Variants in DOCK10 observed in about 807,000 individuals in gnomAD.
DOCK10 encodes dedicator of cytokinesis 10, also known as dedicator of cytokinesis protein 10.
Under a neutral mutation model 280.1 loss-of-function variants are expected in DOCK10, and 145 were observed. The observed-to-expected ratio is 0.52, with a 90% CI of 0.45 to 0.59. The LOEUF (loss-of-function observed/expected upper bound fraction) is 0.59. DOCK10 is among the 20% of genes least tolerant of loss of function. The pLI is 0.00. For missense variants in DOCK10, 2,368 were observed against 2,651.7 expected (o/e 0.89, Z 2.35); for synonymous variants, 915 against 942.2 (o/e 0.97, Z 0.53).
Position 224,837,751 on chromosome 2 carries a change from G to T in DOCK10, c.2850+11C>A. ...AGGGGATATGAGCAATTTCCAAGAG[G>T]CATTTCATACCTTAATATATGACTG... On this transcript the variant is annotated intron_variant, in intron 25 of 55. Transcript: ENST00000258390. 6.2e-7 allele frequency: 1 copy of T among 1,610,470 alleles called. No homozygotes were observed. Among genetic ancestry groups the T allele is most frequent in the African/African-American group, 1.3e-5 (1 of 74,948 alleles).
chr2:224,937,474 C>G (rs969158676), intron 1 of DOCK10, among the ~76,000 whole-genome samples: 2 of 152,096 alleles, frequency 1.3e-5, no homozygotes, highest in Non-Finnish European at 1.5e-5. Flanking sequence ...CTTCATGTAC[C>G]AGGAACTGTC....
intron 23 of DOCK10, 25 bp from the exon 24 acceptor site, chr2:224,840,097 G>A: frequency 8.9e-7 from 1 of 1,125,462 alleles, no homozygotes. Context: ...CAGAAAAAAA[G>A]GATACCAATT....
chr2:225,039,742 A>C (rs371174745), intron 1 of DOCK10, among the ~76,000 whole-genome samples: 14 of 152,106 alleles, frequency 9.2e-5, no homozygotes, highest in African/African-American at 3.4e-4. Context: ...CAGGGAAGAA[A>C]ACTATCTTGT....
intron 7 of DOCK10, among the ~76,000 whole-genome samples, chr2:224,879,979 T>C (rs1030443812): frequency 6.6e-6 from 1 of 152,128 alleles, no homozygotes; most frequent in Non-Finnish European, 1.5e-5. Flanking sequence ...AAAAGCAACC[T>C]AAAATGCTTA....
intron 11 of DOCK10, among the ~76,000 whole-genome samples, chr2:224,868,339 T>TACATATATACATATATTGCATACATGC (rs1287629975): frequency 6.6e-6 from 1 of 152,242 alleles, no homozygotes; most frequent in Non-Finnish European, 1.5e-5. Context: ...TACATATATG[T>TACATATATACATATATTGCATACATGC]ACATATATAC....
intron 1 of DOCK10, chr2:224,947,120 C>CTCACAGGAAGTGGTAACTTGA: frequency 7.8e-7 from 1 of 1,279,464 alleles, no homozygotes; most frequent in Non-Finnish European, 1.0e-6. Context: ...TGTCAAGTTA[C>CTCACAGGAAGTGGTAACTTGA]CACTTCCTGT....
chr2:225,026,827 C>A (rs1689933381), intron 1 of DOCK10, among the ~76,000 whole-genome samples: 2 of 152,112 alleles, frequency 1.3e-5, no homozygotes, highest in Admixed American at 1.3e-4. Flanking sequence ...ATTAAAAGCC[C>A]ATTTTTCCTC....
In DOCK10 at chr2:224,770,787, A is replaced by T; in HGVS notation, c.6205-142T>A. 1 of 623,330 alleles carries T rather than the reference A, an allele frequency of 1.6e-6. No homozygotes were observed. The highest frequency in any genetic ancestry group is 2.9e-6 in the Non-Finnish European group (1 of 349,470). The allele number at this position is 623,330 out of a possible 1,614,324, so 38.6% of individuals were successfully genotyped here. On this transcript the variant is annotated intron_variant, in intron 53 of 55. Transcript: ENST00000258390. The surrounding 1 kb of genome is among the most constrained non-coding windows in gnomAD (Gnocchi z 4.5). Reference sequence around the variant, plus strand: ...TCTAGTCCACTCATTTGTATACCTGACTTAGCTGCTGTCCTCCAACTTGTC... The same window carrying T: ...TCTAGTCCACTCATTTGTATACCTGTCTTAGCTGCTGTCCTCCAACTTGTC...
At chr2:225,020,713 A>C (rs1689762025) in intron 1 of DOCK10, among the ~76,000 whole-genome samples, 1 of 152,230 alleles carries the variant, frequency 6.6e-6, no homozygotes, top group African/African-American at 2.4e-5. Flanking sequence ...AACACTTGCC[A>C]CCAGTTAGAA....
intron 14 of DOCK10, among the ~76,000 whole-genome samples, chr2:224,857,236 C>T (rs968115490): frequency 6.6e-6 from 1 of 152,190 alleles, no homozygotes; most frequent in African/African-American, 2.4e-5. Context: ...TGATGTCTCA[C>T]ATTTAATAAC....
intron 7 of DOCK10, among the ~76,000 whole-genome samples, chr2:224,883,593 A>T (rs1356955052): frequency 6.6e-6 from 1 of 152,210 alleles, no homozygotes; most frequent in African/African-American, 2.4e-5. Context: ...GGAACCTGAG[A>T]TCAAATTGGT....
chr2:224,768,941 G>A (rs1254041080), intron 55 of DOCK10: 4 of 456,340 alleles, frequency 8.8e-6, no homozygotes, highest in Non-Finnish European at 1.8e-5. Context: ...CACGGACCTC[G>A]ACAGAGCTGC....
intron 47 of DOCK10, among the ~76,000 whole-genome samples, chr2:224,790,623 T>C (rs1037189503): frequency 1.3e-5 from 2 of 152,054 alleles, no homozygotes; most frequent in Non-Finnish European, 2.9e-5. Context: ...TAAATTTTAT[T>C]TTTCTACTTT....
chr2:224,897,113 T>G (rs1203992998), intron 3 of DOCK10, among the ~76,000 whole-genome samples: 1 of 152,190 alleles, frequency 6.6e-6, no homozygotes, highest in African/African-American at 2.4e-5. Context: ...TTTTAGCCCA[T>G]TCCTTCTTGT....
rs570968757 is a variant in DOCK10 at position 224,811,267 on chromosome 2, G to A, written c.3409+3053C>T. Among the ~76,000 whole-genome samples, 8 of 152,214 alleles carry A rather than the reference G, an allele frequency of 5.3e-5. No homozygotes were observed. The East Asian group carries it at 1.5e-3, about 29-fold the overall frequency. On this transcript the variant is annotated intron_variant, in intron 31 of 55. Transcript: ENST00000258390. ...TGAGCATTTTTTCGTGTGTTTTTTG[G>A]CTGCATAAATGTCTTCTTTTGAGAA...
Position 224,892,913 on chromosome 2 carries a change from C to G in DOCK10, c.416+3382G>C, listed in dbSNP as rs74477926. 7.6e-3 allele frequency among the ~76,000 whole-genome samples: 1,157 copies of G among 152,332 alleles called. 16 individuals are homozygous for G. Among genetic ancestry groups the G allele is most frequent in the African/African-American group, 0.024 (998 of 41,564 alleles). On this transcript the variant is annotated intron_variant, in intron 4 of 55. Transcript: ENST00000258390. Reference sequence around the variant, plus strand: ...GTGGGGCTACTATGCAATGACTTCTCTCTTTTAAAGGTCATGAAAAGATCA... The same window carrying G: ...GTGGGGCTACTATGCAATGACTTCTGTCTTTTAAAGGTCATGAAAAGATCA...
chr2:224,944,860 G>A (rs1575097203), intron 1 of DOCK10, among the ~76,000 whole-genome samples: 1 of 152,184 alleles, frequency 6.6e-6, no homozygotes, highest in African/African-American at 2.4e-5. Flanking sequence ...TTCTGTCGTC[G>A]AAGAAAGCTA....
At chr2:224,990,585 T>C (rs1706098774) in intron 1 of DOCK10, among the ~76,000 whole-genome samples, 1 of 146,924 alleles carries the variant, frequency 6.8e-6, no homozygotes, top group African/African-American at 2.8e-5. Flanking sequence ...CCCCAGTAAG[T>C]AGTTTTTGTT....
chr2:224,863,390 G>A (rs1223231437), intron 13 of DOCK10, among the ~76,000 whole-genome samples: 1 of 152,136 alleles, frequency 6.6e-6, no homozygotes, highest in Non-Finnish European at 1.5e-5. Context: ...TTCAATTCTT[G>A]TAAGTTATTT....
Sources: allele counts gnomAD v4.1 joint callset (sites outside exome capture counted in the v4.1 genomes callset), GRCh38; gene constraint gnomAD v4.1.1; non-coding constraint Gnocchi (gnomAD v3.1); transcripts MANE v1.5; gene names NCBI Gene and HGNC (gene_info 2026-07-23, HGNC 2026-07-21).